DSG1: variants seen among roughly 807,000 people sequenced by gnomAD.
The protein encoded by DSG1 is desmoglein 1, also known as desmoglein-1.
Under a neutral mutation model 97.5 loss-of-function variants are expected in DSG1, and 39 were observed. The ratio of observed to expected loss-of-function variants is 0.40; its 90% CI spans 0.31 to 0.52. The LOEUF (loss-of-function observed/expected upper bound fraction) is 0.52, where lower values mean the gene tolerates loss of function less well. Among genes scored for constraint, DSG1 ranks in the 20% least tolerant of loss-of-function variants. The probability of loss-of-function intolerance (pLI) is 0.53; values close to 1 mark genes in which losing one functional copy is unlikely to be tolerated. For synonymous variants in DSG1, 475 were observed against 443.4 expected (o/e 1.07, Z -0.90); for missense variants, 1,311 against 1,295.4 (o/e 1.01, Z -0.18).
At chr18:31,343,663 C>T in intron 12 of DSG1, 80 bp downstream of exon 12, 1 of 1,588,292 alleles carries the variant, frequency 6.3e-7, no homozygotes, top group Non-Finnish European at 8.6e-7. Context: ...TGGCCGCCAT[C>T]ACTCACAGTC....
At chr18:31,349,510 A>C (rs1203232598) in intron 14 of DSG1, among the ~76,000 whole-genome samples, 1 of 146,922 alleles carries the variant, frequency 6.8e-6, no homozygotes, top group South Asian at 2.2e-4. Flanking sequence ...GAAGAAAGTC[A>C]TTGGTAGCTT....
At chr18:31,348,500 G>A (rs2071863002) in intron 14 of DSG1, among the ~76,000 whole-genome samples, 1 of 150,478 alleles carries the variant, frequency 6.6e-6, no homozygotes. Flanking sequence ...AGGATGGCTG[G>A]GTCAAATGGT....
rs768542526 is a variant in DSG1 at position 31,355,328 on chromosome 18, C to T, written c.3132C>T (p.Thr1044=). 3.1e-5 allele frequency: 50 copies of T among 1,613,962 alleles called. No individual in the cohort carries two copies. Among genetic ancestry groups the T allele is most frequent in the South Asian group, 7.7e-5 (7 of 91,074 alleles). ...GAAGTCGAATCACAAAGTATAGTAC[C>T]GTGCAATATAGCAAGTAGTCAGGAC... The part of the protein sequence containing the change: ...TARSRITKYS[T]VQYSK Residue 1044 remains threonine, a synonymous_variant, in exon 15 of 15, where the codon ACC becomes ACT. Transcript: ENST00000257192.
intron 8 of DSG1, 132 bp downstream of exon 8, chr18:31,334,334 A>G (rs1454549341): frequency 4.9e-6 from 3 of 612,840 alleles, no homozygotes; most frequent in Admixed American, 6.0e-5. Flanking sequence ...TTTTAAATAT[A>G]TATATAACAT....
At position 31,338,311 on chromosome 18, in the gene DSG1, A is replaced by G. The variant is rs751601055; in HGVS notation, c.1266-4A>G. The G allele has an allele frequency of 4.3e-6, 7 of 1,613,388 alleles. No individual in the cohort carries two copies. The highest frequency in any genetic ancestry group is 5.9e-6 in the Non-Finnish European group (7 of 1,179,550). On this transcript the variant is annotated splice_region_variant and splice_polypyrimidine_tract_variant and intron_variant, in intron 9 of 14. Transcript: ENST00000257192. ...TAATTTGTATCATTTTCTTTCAAAT[A>G]CAGGTATGTAATGGGAAATAATCCA... is the stretch of plus-strand genomic sequence containing the variant.
intron 7 of DSG1, 29 bp downstream of exon 7, chr18:31,333,752 T>TCTAA: frequency 6.2e-7 from 1 of 1,610,340 alleles, no homozygotes. Flanking sequence ...AATTAATAAA[T>TCTAA]CTAAATTCGC....
intron 4 of DSG1, among the ~76,000 whole-genome samples, chr18:31,329,557 G>T (rs1352624102): frequency 1.3e-5 from 2 of 151,602 alleles, no homozygotes; most frequent in African/African-American, 4.8e-5. Flanking sequence ...TAGAGACAGG[G>T]TCTCATTATA....
At chr18:31,330,578 A>C (rs1170549033) in intron 5 of DSG1, among the ~76,000 whole-genome samples, 1 of 152,136 alleles carries the variant, frequency 6.6e-6, no homozygotes, top group Non-Finnish European at 1.5e-5. Flanking sequence ...GTGTTATTAT[A>C]AAATGCTCAT....
At chr18:31,351,567 G>A (rs1274034635) in intron 14 of DSG1, among the ~76,000 whole-genome samples, 3 of 151,264 alleles carry the variant, frequency 2.0e-5, no homozygotes, top group Non-Finnish European at 4.4e-5. Flanking sequence ...TTGACAGTGG[G>A]GTGTTAAAGT....
intron 3 of DSG1, among the ~76,000 whole-genome samples, chr18:31,327,419 C>T (rs1465298241): frequency 6.6e-6 from 1 of 152,022 alleles, no homozygotes. Context: ...TCTCATACCC[C>T]TTTTCTATTC....
chr18:31,344,665 A>G (rs2071816901), intron 13 of DSG1, among the ~76,000 whole-genome samples: 1 of 152,224 alleles, frequency 6.6e-6, no homozygotes, highest in Non-Finnish European at 1.5e-5. Flanking sequence ...TATAAATACA[A>G]CTTGCCTTAA....
intron 11 of DSG1, among the ~76,000 whole-genome samples, chr18:31,342,850 A>G (rs557877527): frequency 3.9e-4 from 60 of 152,120 alleles, no homozygotes; most frequent in African/African-American, 1.4e-3. Flanking sequence ...TTTCCTAAAT[A>G]ATGACATGGA....
intron 14 of DSG1, among the ~76,000 whole-genome samples, chr18:31,346,757 G>T (rs1165527329): frequency 6.6e-6 from 1 of 152,176 alleles, no homozygotes; most frequent in East Asian, 1.9e-4. Context: ...CACATTTATA[G>T]AACCTATCAT....
intron 6 of DSG1, 55 bp downstream of exon 6, chr18:31,331,922 C>G: frequency 6.5e-7 from 1 of 1,538,620 alleles, no homozygotes; most frequent in Admixed American, 1.7e-5. Flanking sequence ...ATTCTAAAAG[C>G]AAGGATACTG....
At chr18:31,330,089 G>A in intron 5 of DSG1, 53 bp downstream of exon 5, 1 of 1,589,934 alleles carries the variant, frequency 6.3e-7, no homozygotes, top group South Asian at 1.1e-5. Flanking sequence ...CACCTAACTG[G>A]AGACTAAACT....
chr18:31,327,139 T>C, intron 3 of DSG1, 134 bp downstream of exon 3: 1 of 1,154,126 alleles, frequency 8.7e-7, no homozygotes. Flanking sequence ...GTCACCTAGA[T>C]GATGAAAACT....
chr18:31,357,683 G>C lies in DSG1; in HGVS notation c.*2337G>C, dbSNP rs188038219. ...TCTGAACTCCTAAACACTGTTAAAC[G>C]ATGGGAAAAACAAGAAAAAACATGG... On this transcript the variant is annotated 3_prime_UTR_variant, in exon 15 of 15. Coordinates refer to ENST00000257192, the MANE Select transcript of DSG1 (RefSeq NM_001942.4). Among the ~76,000 whole-genome samples, 1 of 151,956 alleles carries C rather than the reference G, an allele frequency of 6.6e-6. No individual in the cohort carries two copies. Among genetic ancestry groups the C allele is most frequent in the East Asian group, 1.9e-4 (1 of 5,164 alleles).
In DSG1 at chr18:31,318,164, A is replaced by G. The variant is rs1568037472; in HGVS notation, c.-137A>G. The G allele has an allele frequency of 1.2e-6, 1 of 812,654 alleles. No homozygotes were observed. The highest frequency in any genetic ancestry group is 2.2e-6 in the Non-Finnish European group (1 of 464,958). 50.3% of individuals were successfully genotyped at this position (812,654 alleles called of 1,614,324 possible). A position where few individuals can be genotyped will look rare whatever the true frequency, so the allele number is the denominator to read the frequency against. Reference sequence around the variant, plus strand: ...GTCCTTCTCCCAGAGGAAGGCAGAAACACCTCAAAGCCTGCATGTAAGAAC... The same window carrying G: ...GTCCTTCTCCCAGAGGAAGGCAGAAGCACCTCAAAGCCTGCATGTAAGAAC... On this transcript the variant is annotated 5_prime_UTR_variant, in exon 1 of 15. Coordinates refer to ENST00000257192, the MANE Select transcript of DSG1 (RefSeq NM_001942.4).
chr18:31,333,866 C>A, intron 7 of DSG1, 143 bp downstream of exon 7: 2 of 1,192,202 alleles, frequency 1.7e-6, no homozygotes, highest in Non-Finnish European at 2.5e-6. Flanking sequence ...TGTGTTTATG[C>A]AAGAATAAAT....
Sources: gnomAD v4.1 joint callset for allele counts (sites outside exome capture counted in the v4.1 genomes callset) on GRCh38, gnomAD v4.1.1 for gene constraint, MANE v1.5 for transcripts, NCBI Gene and HGNC (gene_info 2026-07-23, HGNC 2026-07-21) for gene names.